The following UBE2K variants were observed in gnomAD, a reference collection of about 807,000 sequenced individuals.
The protein encoded by UBE2K is ubiquitin conjugating enzyme E2 K.
A neutral mutation model predicts 30.0 loss-of-function variants in UBE2K; 6 were observed. The observed-to-expected ratio is 0.20, with a 90% CI of 0.11 to 0.39. The LOEUF (loss-of-function observed/expected upper bound fraction) is 0.39, where lower values mean the gene tolerates loss of function less well. Among genes scored for constraint, UBE2K ranks in the 10% least tolerant of loss-of-function variants. UBE2K has a pLI of 1.00. For missense variants in UBE2K, 61 were observed against 241.6 expected (o/e 0.25, Z 4.96); for synonymous variants, 86 against 83.7 (o/e 1.03, Z -0.15).
chr4:39,760,196 A>AAAAAAAAAAG (rs1711826830), intron 4 of UBE2K, among the ~76,000 whole-genome samples: 1 of 7,918 alleles, frequency 1.3e-4, no homozygotes, highest in African/African-American at 4.4e-4. Context: ...AAAAAAACAG[A>AAAAAAAAAAG]AAAAAAAAAA....
chr4:39,770,249 G>A, intron 4 of UBE2K: 3 of 1,611,826 alleles, frequency 1.9e-6, no homozygotes, highest in Non-Finnish European at 2.5e-6. Flanking sequence ...GGTTGAGGTG[G>A]TCGTGCAGGG....
At chr4:39,749,070 C>A (rs1721126141) in intron 3 of UBE2K, among the ~76,000 whole-genome samples, 1 of 152,104 alleles carries the variant, frequency 6.6e-6, no homozygotes, top group Non-Finnish European at 1.5e-5. Context: ...ATCAAGGTAG[C>A]TGGTTATATT....
chr4:39,772,585 AAG>A (rs1553880812), intron 4 of UBE2K, among the ~76,000 whole-genome samples: 89 of 38,826 alleles, frequency 2.3e-3, no homozygotes, highest in African/African-American at 5.0e-3. Context: ...AAAAGAAAAA[AAG>A]AAGAATGATC....
At chr4:39,769,632 A>G (rs1712613384) in intron 4 of UBE2K, among the ~76,000 whole-genome samples, 2 of 146,342 alleles carry the variant, frequency 1.4e-5, no homozygotes, top group African/African-American at 5.3e-5. Context: ...CAGGCCTATT[A>G]TAAGCAGGAG....
intron 1 of UBE2K, among the ~76,000 whole-genome samples, chr4:39,726,944 A>C (rs1231898720): frequency 3.3e-5 from 5 of 152,010 alleles, no homozygotes; most frequent in Non-Finnish European, 7.4e-5. Context: ...TTTGCAGCAA[A>C]CCCCAGAATT....
intron 1 of UBE2K, among the ~76,000 whole-genome samples, chr4:39,730,592 A>G (rs1302740225): frequency 1.3e-5 from 2 of 150,490 alleles, no homozygotes; most frequent in African/African-American, 4.9e-5. Flanking sequence ...ACATGGTGAA[A>G]CCCCATCTCT....
rs1042720045 is a variant in UBE2K, at chr4:39,721,543, G to A, written c.64-15877G>A. Reference sequence around the variant, plus strand: ...TAATTTTCATATTTTTTTTTGTAGAGATGGGGTTTCACCGTGTTGCCCAGG... The same window carrying A: ...TAATTTTCATATTTTTTTTTGTAGAAATGGGGTTTCACCGTGTTGCCCAGG... On this transcript the variant is annotated intron_variant, in intron 1 of 6. Coordinates refer to ENST00000261427, the MANE Select transcript of UBE2K (RefSeq NM_005339.5). Among the ~76,000 whole-genome samples, 28 of 151,890 alleles carry A rather than the reference G, an allele frequency of 1.8e-4. 1 individual carries two copies. The highest frequency in any genetic ancestry group is 4.1e-4 in the Non-Finnish European group (28 of 68,000).
intron 4 of UBE2K, among the ~76,000 whole-genome samples, chr4:39,771,635 G>A (rs1712865693): frequency 1.3e-5 from 2 of 152,156 alleles, no homozygotes; most frequent in Admixed American, 1.3e-4. Context: ...AGGGGTAGGG[G>A]CGGGAGCGGC....
intron 4 of UBE2K, among the ~76,000 whole-genome samples, chr4:39,773,921 AAAACT>A (rs758544763): frequency 5.5e-4 from 83 of 152,140 alleles, no homozygotes; most frequent in East Asian, 9.7e-4. Context: ...ACTCCGCCTC[AAAACT>A]AAACTAAACT....
At chr4:39,754,479 G>C (rs1042502591) in intron 3 of UBE2K, among the ~76,000 whole-genome samples, 3 of 152,180 alleles carry the variant, frequency 2.0e-5, no homozygotes, top group African/African-American at 7.2e-5. Context: ...GAAACTCTTA[G>C]CTTCTTTCCA....
At chr4:39,762,639 T>C (rs1204469428) in intron 4 of UBE2K, among the ~76,000 whole-genome samples, 1 of 152,188 alleles carries the variant, frequency 6.6e-6, no homozygotes, top group Non-Finnish European at 1.5e-5. Context: ...CCACATACTT[T>C]TAAAACACTT....
At position 39,698,176 on chromosome 4, in the gene UBE2K, G is replaced by C. The variant is rs1717793833; in HGVS notation, c.-152G>C. On this transcript the variant is annotated 5_prime_UTR_variant, in exon 1 of 7. Transcript: ENST00000261427. ...GGGCGCGGAGGTGATTCCACACTGA[G>C]GCGAGCGCGGCGGCCGGGGTGGTAG... 1.3e-6 allele frequency: 1 copy of C among 770,270 alleles called. No individual in the cohort carries two copies. The highest frequency in any genetic ancestry group is 2.2e-6 in the Non-Finnish European group (1 of 445,220). 47.7% of individuals were successfully genotyped at this position (770,270 alleles called of 1,614,324 possible). A position where few individuals can be genotyped will look rare whatever the true frequency, so the allele number is the denominator to read the frequency against.
At chr4:39,774,504 T>C (rs989289546) in intron 4 of UBE2K, among the ~76,000 whole-genome samples, 5 of 150,870 alleles carry the variant, frequency 3.3e-5, no homozygotes, top group African/African-American at 1.2e-4. Flanking sequence ...TCTCAGCTAC[T>C]CTGAAGGCTG....
chr4:39,748,932 A>C (rs561090072), intron 3 of UBE2K, among the ~76,000 whole-genome samples: 67 of 152,344 alleles, frequency 4.4e-4, no homozygotes, highest in African/African-American at 1.6e-3. Flanking sequence ...TACTACGTTG[A>C]TTTGAATTTT....
intron 4 of UBE2K, among the ~76,000 whole-genome samples, chr4:39,774,126 G>A (rs1364273686): frequency 3.3e-5 from 5 of 151,254 alleles, no homozygotes; most frequent in Non-Finnish European, 7.4e-5. Flanking sequence ...GCAAAACCCC[G>A]TCTTTACGAA....
chr4:39,760,322 T>G (rs970912217), intron 4 of UBE2K, among the ~76,000 whole-genome samples: 5 of 151,914 alleles, frequency 3.3e-5, no homozygotes, highest in African/African-American at 1.2e-4. Context: ...AAGAAATTAG[T>G]GTCTATGCCT....
At chr4:39,718,038 G>C (rs1719194901) in intron 1 of UBE2K, among the ~76,000 whole-genome samples, 2 of 151,272 alleles carry the variant, frequency 1.3e-5, no homozygotes, top group African/African-American at 2.4e-5. Context: ...AAGAGCAAAA[G>C]AACAAAGCTT....
intron 1 of UBE2K, among the ~76,000 whole-genome samples, chr4:39,716,824 CCT>C (rs1363916837): frequency 1.3e-5 from 2 of 151,964 alleles, no homozygotes; most frequent in African/African-American, 4.8e-5. Flanking sequence ...ACGGTGAAAC[CCT>C]GTCTCTACTA....
At chr4:39,762,875 G>T (rs1346965687) in intron 4 of UBE2K, among the ~76,000 whole-genome samples, 1 of 148,760 alleles carries the variant, frequency 6.7e-6, no homozygotes. Context: ...CTCATGATCT[G>T]CCCTCGGCCT....
Sources: gnomAD v4.1 joint callset for allele counts (sites outside exome capture counted in the v4.1 genomes callset) on GRCh38, gnomAD v4.1.1 for gene constraint, MANE v1.5 for transcripts, NCBI Gene and HGNC (gene_info 2026-07-23, HGNC 2026-07-21) for gene names.